KCND2: variants seen among roughly 807,000 people sequenced by gnomAD.
The protein encoded by KCND2 is potassium voltage-gated channel subfamily D member 2.
In KCND2, 16 loss-of-function variants were observed where a neutral mutation model predicts 54.4. The ratio of observed to expected loss-of-function variants is 0.29; its 90% CI spans 0.20 to 0.45. KCND2 has a LOEUF of 0.45. Ranked by LOEUF, KCND2 falls within the 20% of genes least tolerant of loss-of-function variation. The pLI is 1.00. For missense variants in KCND2, 486 were observed against 824.2 expected (o/e 0.59, Z 5.02); for synonymous variants, 317 against 310.7 (o/e 1.02, Z -0.21).
intron 1 of KCND2, among the ~76,000 whole-genome samples, chr7:120,443,900 C>G (rs74929175): frequency 0.027 from 4,065 of 152,100 alleles, 85 homozygotes; most frequent in Non-Finnish European, 0.045. Flanking sequence ...TTGTGACAAC[C>G]AAAAATGCTC....
chr7:120,335,764 C>T (rs1343815297), intron 1 of KCND2, among the ~76,000 whole-genome samples: 1 of 152,062 alleles, frequency 6.6e-6, no homozygotes, highest in Non-Finnish European at 1.5e-5. Context: ...GGATTACAGG[C>T]GTGAGCCACC....
intron 1 of KCND2, among the ~76,000 whole-genome samples, chr7:120,413,876 G>A (rs1028295087): frequency 1.3e-5 from 2 of 151,378 alleles, no homozygotes; most frequent in African/African-American, 2.4e-5. Flanking sequence ...TGCTTTTATG[G>A]CATTAGCATG....
At chr7:120,484,696 T>TACACAC (rs1214283807) in intron 1 of KCND2, among the ~76,000 whole-genome samples, 1 of 127,732 alleles carries the variant, frequency 7.8e-6, no homozygotes, top group Non-Finnish European at 1.6e-5. Context: ...TTATATATAT[T>TACACAC]ACACGCACAC....
intron 1 of KCND2, among the ~76,000 whole-genome samples, chr7:120,505,340 A>G (rs1463364581): frequency 6.6e-6 from 1 of 151,772 alleles, no homozygotes; most frequent in Non-Finnish European, 1.5e-5. Context: ...TACGAAGGAA[A>G]AAAAACAAGA....
At chr7:120,288,068 G>A (rs1164408037) in intron 1 of KCND2, among the ~76,000 whole-genome samples, 3 of 152,088 alleles carry the variant, frequency 2.0e-5, no homozygotes, top group Non-Finnish European at 4.4e-5. Flanking sequence ...AAATACAGTT[G>A]CTTCCTTTTG....
chr7:120,447,828 T>A (rs993301211), intron 1 of KCND2, among the ~76,000 whole-genome samples: 1 of 152,132 alleles, frequency 6.6e-6, no homozygotes, highest in Non-Finnish European at 1.5e-5. Flanking sequence ...AGACTGATTT[T>A]TTTTTATTTT....
At chr7:120,375,024 C>CAG (rs1800817465) in intron 1 of KCND2, among the ~76,000 whole-genome samples, 1 of 151,866 alleles carries the variant, frequency 6.6e-6, no homozygotes. Flanking sequence ...GCTTCTTTAA[C>CAG]AGAGATGTCT....
intron 1 of KCND2, among the ~76,000 whole-genome samples, chr7:120,708,825 AT>A (rs1213306939): frequency 1.3e-5 from 2 of 152,038 alleles, no homozygotes; most frequent in Non-Finnish European, 2.9e-5. Flanking sequence ...CTATGCACTA[AT>A]TTTTTTGTTT....
At chr7:120,399,232 A>G (rs1179249609) in intron 1 of KCND2, among the ~76,000 whole-genome samples, 1 of 151,844 alleles carries the variant, frequency 6.6e-6, no homozygotes, top group Non-Finnish European at 1.5e-5. Context: ...TGGTAGTTGT[A>G]ACAGCGTATT....
At chr7:120,626,970 T>A (rs1243208570) in intron 1 of KCND2, among the ~76,000 whole-genome samples, 1 of 152,214 alleles carries the variant, frequency 6.6e-6, no homozygotes, top group Non-Finnish European at 1.5e-5. Flanking sequence ...CACTACACTG[T>A]CTTGGTCTCT....
At chr7:120,399,677 A>G (rs1801214901) in intron 1 of KCND2, among the ~76,000 whole-genome samples, 1 of 151,448 alleles carries the variant, frequency 6.6e-6, no homozygotes. Context: ...CCAATAATTT[A>G]ACCCTAGCTA....
intron 1 of KCND2, among the ~76,000 whole-genome samples, chr7:120,449,199 G>A (rs1802063448): frequency 6.6e-6 from 1 of 151,922 alleles, no homozygotes; most frequent in East Asian, 1.9e-4. Flanking sequence ...CATGGTGGCA[G>A]GTGCCTGTAG....
intron 1 of KCND2, among the ~76,000 whole-genome samples, chr7:120,486,808 G>A (rs915837930): frequency 2.6e-5 from 4 of 151,524 alleles, no homozygotes; most frequent in Admixed American, 6.6e-5. Context: ...CCTTTTAAAC[G>A]TATGTGTAAT....
intron 1 of KCND2, among the ~76,000 whole-genome samples, chr7:120,614,553 A>T (rs1358524170): frequency 2.0e-5 from 3 of 152,126 alleles, no homozygotes; most frequent in Non-Finnish European, 4.4e-5. Context: ...TCACAACACC[A>T]TCTCCTCTTA....
chr7:120,389,812 AGT>A (rs1801045944), intron 1 of KCND2, among the ~76,000 whole-genome samples: 1 of 151,928 alleles, frequency 6.6e-6, no homozygotes, highest in Non-Finnish European at 1.5e-5. Context: ...AAACAACTAA[AGT>A]GTATCCTGGG....
chr7:120,671,269 A>T (rs1791990218), intron 1 of KCND2, among the ~76,000 whole-genome samples: 1 of 152,002 alleles, frequency 6.6e-6, no homozygotes, highest in African/African-American at 2.4e-5. Context: ...TGCAACCTAG[A>T]TCCCTTGCAT....
chr7:120,314,662 A>C (rs1211458225), intron 1 of KCND2, among the ~76,000 whole-genome samples: 1 of 152,202 alleles, frequency 6.6e-6, no homozygotes, highest in Non-Finnish European at 1.5e-5. Context: ...TGTATACAAC[A>C]TAAAGGTTGC....
At chr7:120,571,649 T>C (rs1029639055) in intron 1 of KCND2, among the ~76,000 whole-genome samples, 1 of 152,230 alleles carries the variant, frequency 6.6e-6, no homozygotes, top group African/African-American at 2.4e-5. Context: ...ATGTTTAACA[T>C]ATGTCTTCTC....
intron 1 of KCND2, among the ~76,000 whole-genome samples, chr7:120,502,336 T>C (rs1802949202): frequency 6.6e-6 from 1 of 152,012 alleles, no homozygotes; most frequent in Admixed American, 6.6e-5. Context: ...TAACTAAGAT[T>C]TCTGGCCTCA....
Sources: gnomAD v4.1 joint callset for allele counts (sites outside exome capture counted in the v4.1 genomes callset) on GRCh38, gnomAD v4.1.1 for gene constraint, MANE v1.5 for transcripts, NCBI Gene and HGNC (gene_info 2026-07-23, HGNC 2026-07-21) for gene names.